The following RASGEF1C variants were observed in gnomAD, a reference collection of about 807,000 sequenced individuals.
The protein encoded by RASGEF1C is ras-GEF domain-containing family member 1C.
A neutral mutation model predicts 58.1 loss-of-function variants in RASGEF1C; 27 were observed. That is an observed-to-expected ratio of 0.46 (90% CI 0.34 to 0.64). The LOEUF (loss-of-function observed/expected upper bound fraction) is 0.64. RASGEF1C is among the 30% of genes least tolerant of loss of function. The pLI is 0.01. For missense variants in RASGEF1C, 502 were observed against 605.1 expected (o/e 0.83, Z 1.79); for synonymous variants, 243 against 246.3 (o/e 0.99, Z 0.13).
chr5:180,110,120 C>G (rs1273688913), intron 12 of RASGEF1C, among the ~76,000 whole-genome samples: 1 of 152,076 alleles, frequency 6.6e-6, no homozygotes, highest in Admixed American at 6.5e-5. Context: ...CTCCCCGGGG[C>G]CCTGGGGAGC....
intron 1 of RASGEF1C, among the ~76,000 whole-genome samples, chr5:180,202,254 GA>G (rs1427620660): frequency 6.6e-6 from 1 of 151,950 alleles, no homozygotes; most frequent in African/African-American, 2.4e-5. Flanking sequence ...AAGCAATCTA[GA>G]ATACAGATGA....
intron 5 of RASGEF1C, 75 bp downstream of exon 5, chr5:180,128,335 A>G: frequency 7.4e-7 from 1 of 1,357,608 alleles, no homozygotes; most frequent in Non-Finnish European, 1.0e-6. Context: ...TGCTCTGGGA[A>G]GCCAGGGAGG....
chr5:180,192,749 TG>T (rs1177042036), intron 1 of RASGEF1C, among the ~76,000 whole-genome samples: 3 of 92,512 alleles, frequency 3.2e-5, no homozygotes, highest in African/African-American at 8.9e-5. Flanking sequence ...TTTTGTTTTT[TG>T]TTTTTTTTTT....
intron 1 of RASGEF1C, among the ~76,000 whole-genome samples, chr5:180,151,545 T>C (rs1766745450): frequency 6.6e-6 from 1 of 152,146 alleles, no homozygotes; most frequent in Non-Finnish European, 1.5e-5. Flanking sequence ...ATCCCTTCCT[T>C]ACACCTTATA....
At chr5:180,174,404 C>G (rs899737118) in intron 1 of RASGEF1C, among the ~76,000 whole-genome samples, 1 of 150,806 alleles carries the variant, frequency 6.6e-6, no homozygotes, top group East Asian at 2.0e-4. Flanking sequence ...GTGTGTGCGT[C>G]TGTGTGTGCG....
chr5:180,208,882 C>T (rs1191879700), intron 1 of RASGEF1C, 146 bp downstream of exon 1: 1 of 150,158 alleles, frequency 6.7e-6, no homozygotes, highest in Non-Finnish European at 1.5e-5. Context: ...GACCCCGCCC[C>T]TGCTGACCCC....
At position 180,209,129 on chromosome 5, in the gene RASGEF1C, CCGCCGCCGCCGCCG is replaced by C. The variant is rs1473616399; in HGVS notation, c.-122_-109del. 3.0e-4 allele frequency: 5 copies of C among 16,764 alleles called. No individual in the cohort carries two copies. Among genetic ancestry groups the C allele is most frequent in the Admixed American group, 7.7e-4 (1 of 1,298 alleles). 1.0% of individuals were successfully genotyped at this position (16,764 alleles called of 1,614,324 possible). ...GCGCCGCCCGCCGCCGCCGCCGCCG[CCGCCGCCGCCGCCG>C]CCGCCGCCCGACCGCCCGGCTCCCA... On this transcript the variant is annotated 5_prime_UTR_variant, in exon 1 of 14. Coordinates refer to ENST00000361132, the MANE Select transcript of RASGEF1C (RefSeq NM_175062.4).
intron 1 of RASGEF1C, among the ~76,000 whole-genome samples, chr5:180,178,746 C>A (rs935134551): frequency 6.6e-6 from 1 of 152,158 alleles, no homozygotes; most frequent in African/African-American, 2.4e-5. Flanking sequence ...CAGACCACGG[C>A]GCAGATGTGG....
At chr5:180,171,189 GA>G (rs1187671297) in intron 1 of RASGEF1C, among the ~76,000 whole-genome samples, 1 of 152,098 alleles carries the variant, frequency 6.6e-6, no homozygotes, top group Non-Finnish European at 1.5e-5. Context: ...GCACAGGGAG[GA>G]AAACCATTCT....
intron 10 of RASGEF1C, 25 bp downstream of exon 10, chr5:180,118,584 C>G: frequency 6.3e-7 from 1 of 1,581,042 alleles, no homozygotes; most frequent in Non-Finnish European, 8.6e-7. Context: ...TGCAGCCCCC[C>G]TGGGCCAACG....
chr5:180,117,644 G>C (rs530136366), intron 10 of RASGEF1C, among the ~76,000 whole-genome samples: 1 of 152,296 alleles, frequency 6.6e-6, no homozygotes, highest in South Asian at 2.1e-4. Context: ...GTAGAATTTG[G>C]AGGAAAAATA....
intron 1 of RASGEF1C, among the ~76,000 whole-genome samples, chr5:180,206,307 T>A (rs1173096225): frequency 6.6e-6 from 1 of 152,238 alleles, no homozygotes; most frequent in Admixed American, 6.5e-5. Flanking sequence ...AAAACACAGA[T>A]GATTGCTTTA....
intron 1 of RASGEF1C, among the ~76,000 whole-genome samples, chr5:180,174,874 G>A (rs568554295): frequency 2.0e-5 from 3 of 152,332 alleles, no homozygotes; most frequent in Non-Finnish European, 4.4e-5. Context: ...CCTGTGCTAT[G>A]TATGTCACTC....
rs1581105871 is a variant in RASGEF1C, at chr5:180,143,396, C to A, written c.-6-5338G>T. On this transcript the variant is annotated intron_variant, in intron 1 of 13. Coordinates refer to ENST00000361132, the MANE Select transcript of RASGEF1C (RefSeq NM_175062.4). This position sits in a 1 kb window ranked among gnomAD's most constrained non-coding sequence, Gnocchi z 4.3. The stretch of plus-strand genomic sequence containing the variant: ...CCATGTGGTGCGTTTATAAGGAAGG[C>A]CAGCCCTGAAGATGGATGTGCATTC... Among the ~76,000 whole-genome samples the A allele has an allele frequency of 2.0e-5, 3 of 152,322 alleles. No individual in the cohort carries two copies. The South Asian group carries it at 6.2e-4, about 32-fold the overall frequency.
At chr5:180,142,943 C>G (rs1485194840) in intron 1 of RASGEF1C, among the ~76,000 whole-genome samples, 4 of 152,120 alleles carry the variant, frequency 2.6e-5, no homozygotes, top group African/African-American at 9.7e-5. Context: ...GAGGAAATGC[C>G]TGGCTCTGGC....
chr5:180,178,965 T>A (rs1767276558), intron 1 of RASGEF1C, among the ~76,000 whole-genome samples: 1 of 151,400 alleles, frequency 6.6e-6, no homozygotes, highest in Non-Finnish European at 1.5e-5. Context: ...GACAGCAAGG[T>A]CTGAGGGCTG....
intron 1 of RASGEF1C, among the ~76,000 whole-genome samples, chr5:180,174,842 G>A (rs550313858): frequency 4.7e-4 from 71 of 152,308 alleles, no homozygotes; most frequent in Middle Eastern, 3.4e-3. Flanking sequence ...AAGGGAAACC[G>A]AGGCTCAGAG....
intron 1 of RASGEF1C, among the ~76,000 whole-genome samples, chr5:180,204,260 G>A (rs1423562256): frequency 1.3e-5 from 2 of 152,220 alleles, no homozygotes; most frequent in African/African-American, 2.4e-5. Flanking sequence ...ACAAGTCTTT[G>A]TGTGGACATT....
At chr5:180,111,435 G>A (rs1765958155) in intron 12 of RASGEF1C, 22 bp downstream of exon 12, 1 of 1,614,072 alleles carries the variant, frequency 6.2e-7, no homozygotes. Flanking sequence ...CAGTAGGCAG[G>A]AGGGCTGCAG....
Sources: allele counts gnomAD v4.1 joint callset (sites outside exome capture counted in the v4.1 genomes callset), GRCh38; gene constraint gnomAD v4.1.1; non-coding constraint Gnocchi (gnomAD v3.1); transcripts MANE v1.5; gene names NCBI Gene and HGNC (gene_info 2026-07-23, HGNC 2026-07-21).